The following SRD5A2 variants were observed in gnomAD, a reference collection of about 807,000 sequenced individuals.
The protein encoded by SRD5A2 is steroid 5 alpha-reductase 2, also known as 3-oxo-5-alpha-steroid 4-dehydrogenase 2.
A neutral mutation model predicts 27.4 loss-of-function variants in SRD5A2; 30 were observed. That is an observed-to-expected ratio of 1.10 (90% confidence interval 0.82 to 1.49). SRD5A2 has a LOEUF of 1.49. Ranked by LOEUF, SRD5A2 falls within the 40% of genes most tolerant of loss-of-function variation. The probability of loss-of-function intolerance (pLI) is 0.00; values close to 1 mark genes in which losing one functional copy is unlikely to be tolerated. For missense variants in SRD5A2, 348 were observed against 323.4 expected, an observed-to-expected ratio of 1.08 and a Z score of -0.58; for synonymous variants, 141 against 133.6, an observed-to-expected ratio of 1.06 and a Z score of -0.38.
intron 1 of SRD5A2, among the ~76,000 whole-genome samples, chr2:31,573,196 C>A (rs1391286732): frequency 2.0e-5 from 3 of 152,130 alleles, no homozygotes; most frequent in African/African-American, 7.2e-5. Context: ...TGTAAAATAG[C>A]ACTAATAACA....
chr2:31,570,420 T>C (rs571912563), intron 1 of SRD5A2, among the ~76,000 whole-genome samples: 159 of 152,242 alleles, frequency 1.0e-3, no homozygotes, highest in African/African-American at 3.5e-3. Context: ...GCTAACATCA[T>C]ACTGAATAGG....
At chr2:31,556,206 G>C (rs1361147917) in intron 1 of SRD5A2, among the ~76,000 whole-genome samples, 2 of 152,180 alleles carry the variant, frequency 1.3e-5, no homozygotes, top group African/African-American at 4.8e-5. Flanking sequence ...GGTACCTGTT[G>C]TGTAAATAAT....
At chr2:31,547,221 G>C (rs1223150773) in intron 1 of SRD5A2, among the ~76,000 whole-genome samples, 4 of 152,206 alleles carry the variant, frequency 2.6e-5, no homozygotes, top group African/African-American at 9.7e-5. Context: ...TTTTTGACAA[G>C]GGTGCTATGA....
the SRD5A2 span, among the ~76,000 whole-genome samples, chr2:31,613,096 C>A: frequency 5.9e-5 from 9 of 152,106 alleles, no homozygotes; most frequent in African/African-American, 1.9e-4. Flanking sequence ...AACTTCATGA[C>A]ATTGAGCTGG....
At chr2:31,600,695 T>C in the SRD5A2 span, among the ~76,000 whole-genome samples, 1 of 151,732 alleles carries the variant, frequency 6.6e-6, no homozygotes, top group Admixed American at 6.6e-5. Context: ...CTAGAATACT[T>C]CCAAATGCAT....
the SRD5A2 span, among the ~76,000 whole-genome samples, chr2:31,591,021 C>T: frequency 6.6e-6 from 1 of 152,206 alleles, no homozygotes; most frequent in Non-Finnish European, 1.5e-5. Context: ...AGGACATAGG[C>T]ATGGGCAAGG....
At chr2:31,610,992 C>A in the SRD5A2 span, among the ~76,000 whole-genome samples, 6 of 151,962 alleles carry the variant, frequency 3.9e-5, no homozygotes, top group African/African-American at 9.7e-5. Context: ...ACCTGTAATC[C>A]CAGCTACTCA....
At chr2:31,553,556 C>T (rs1423680332) in intron 1 of SRD5A2, among the ~76,000 whole-genome samples, 1 of 152,134 alleles carries the variant, frequency 6.6e-6, no homozygotes, top group African/African-American at 2.4e-5. Flanking sequence ...CATACAAGGA[C>T]ACATCAATAA....
chr2:31,616,400 T>C, the SRD5A2 span, among the ~76,000 whole-genome samples: 6 of 152,096 alleles, frequency 3.9e-5, no homozygotes, highest in Non-Finnish European at 7.4e-5. Flanking sequence ...TGCCAGCCCA[T>C]GAAAGCAGCC....
intron 1 of SRD5A2, among the ~76,000 whole-genome samples, chr2:31,577,393 G>C (rs1240425251): frequency 6.6e-6 from 1 of 151,994 alleles, no homozygotes; most frequent in Non-Finnish European, 1.5e-5. Flanking sequence ...CTGTCTGTAC[G>C]GTTGTTGTAA....
chr2:31,643,693 G>A, the SRD5A2 span, among the ~76,000 whole-genome samples: 1 of 152,116 alleles, frequency 6.6e-6, no homozygotes, highest in Non-Finnish European at 1.5e-5. Flanking sequence ...GTAAAGAAGT[G>A]CTCACAGAAT....
intron 1 of SRD5A2, among the ~76,000 whole-genome samples, chr2:31,557,625 G>C (rs1412169592): frequency 6.6e-6 from 1 of 152,086 alleles, no homozygotes; most frequent in Non-Finnish European, 1.5e-5. Context: ...AGATGGAGTA[G>C]GAATGGATGA....
At chr2:31,609,665 TAGA>T in the SRD5A2 span, among the ~76,000 whole-genome samples, 7 of 152,234 alleles carry the variant, frequency 4.6e-5, no homozygotes, top group East Asian at 1.3e-3. Context: ...ATAAAACTCT[TAGA>T]AGAATACATA....
the SRD5A2 span, among the ~76,000 whole-genome samples, chr2:31,641,785 A>G: frequency 6.6e-6 from 1 of 152,088 alleles, no homozygotes; most frequent in Non-Finnish European, 1.5e-5. Context: ...GGGGAAAAAA[A>G]CAACACTCTT....
intron 1 of SRD5A2, among the ~76,000 whole-genome samples, 175 bp downstream of exon 1, chr2:31,580,445 T>A (rs575441052): frequency 6.6e-6 from 1 of 152,192 alleles, no homozygotes; most frequent in East Asian, 2.0e-4. Flanking sequence ...CTCTCTAGCG[T>A]CCAAGCCCCG....
chr2:31,579,619 A>G (rs1202427257), intron 1 of SRD5A2, among the ~76,000 whole-genome samples: 1 of 152,242 alleles, frequency 6.6e-6, no homozygotes, highest in Non-Finnish European at 1.5e-5. Context: ...TTTCAGTCCC[A>G]TAACCTTACT....
the SRD5A2 span, among the ~76,000 whole-genome samples, chr2:31,631,477 G>A: frequency 6.6e-6 from 1 of 151,918 alleles, no homozygotes; most frequent in Non-Finnish European, 1.5e-5. Flanking sequence ...TTTTCAGATG[G>A]GAAACGTTCC....
In SRD5A2 at chr2:31,580,878, C is replaced by T; in HGVS notation, c.23G>A (p.Ser8Asn). 6.2e-7 allele frequency: 1 copy of T among 1,608,890 alleles called. No individual in the cohort carries two copies. The highest frequency in any genetic ancestry group is 1.3e-5 in the African/African-American group (1 of 74,996). Residue 8 changes from serine to asparagine, a missense_variant, in exon 1 of 5, where the codon AGC becomes AAC. Transcript: ENST00000622030. ...AGTGGCGCTGCCTGCCAGCACTGGG[C>T]TCTGCTGGCACTGAACCTGCATCGC... MQVQCQQ[S>N]PVLAGSATLV...
At chr2:31,581,560 C>G (rs1440657382), upstream of SRD5A2, among the ~76,000 whole-genome samples, 2 of 152,218 alleles carry the variant, frequency 1.3e-5, no homozygotes, top group Non-Finnish European at 2.9e-5. Context: ...TCTCCCGGCC[C>G]TAATTCCTCA....
Sources: allele counts gnomAD v4.1 joint callset (sites outside exome capture counted in the v4.1 genomes callset), GRCh38; gene constraint gnomAD v4.1.1; transcripts MANE v1.5; gene names NCBI Gene and HGNC (gene_info 2026-07-23, HGNC 2026-07-21).